Variants in PDE1C observed in about 807,000 individuals in gnomAD.
PDE1C encodes the protein phosphodiesterase 1C.
Under a neutral mutation model 93.1 loss-of-function variants are expected in PDE1C, and 62 were observed. The ratio of observed to expected loss-of-function variants is 0.67; its 90% CI spans 0.54 to 0.82. The LOEUF (loss-of-function observed/expected upper bound fraction) is 0.82, where lower values mean the gene tolerates loss of function less well. Among genes scored for constraint, PDE1C ranks in the 40% least tolerant of loss-of-function variants. The pLI is 0.00. For missense variants in PDE1C, 742 were observed against 884.6 expected (o/e 0.84, Z 2.04); for synonymous variants, 325 against 310.1 (o/e 1.05, Z -0.50).
intron 2 of PDE1C, among the ~76,000 whole-genome samples, chr7:31,895,467 A>T (rs1799168624): frequency 6.6e-6 from 1 of 152,224 alleles, no homozygotes; most frequent in Non-Finnish European, 1.5e-5. Context: ...AGCAGAATAA[A>T]GAAATCTCAA....
chr7:32,398,501 G>T (rs1784882141), intron 1 of PDE1C, among the ~76,000 whole-genome samples: 1 of 150,850 alleles, frequency 6.6e-6, no homozygotes, highest in Admixed American at 6.6e-5. Flanking sequence ...TGATTCTCCT[G>T]CCTCAGCCTC....
chr7:32,339,251 A>T (rs1783696309), intron 1 of PDE1C, among the ~76,000 whole-genome samples: 3 of 152,214 alleles, frequency 2.0e-5, no homozygotes, highest in Admixed American at 2.0e-4. Flanking sequence ...GTTTAAAAAA[A>T]TTTAAAAGTC....
chr7:32,209,289 A>G (rs891485079), intron 2 of PDE1C, among the ~76,000 whole-genome samples: 1 of 152,222 alleles, frequency 6.6e-6, no homozygotes, highest in African/African-American at 2.4e-5. Context: ...TGGAAACCAC[A>G]GTTCTAAGGA....
chr7:32,259,013 A>G (rs1014485753), intron 1 of PDE1C, among the ~76,000 whole-genome samples: 1 of 152,184 alleles, frequency 6.6e-6, no homozygotes, highest in African/African-American at 2.4e-5. Flanking sequence ...GTCCCCCCAT[A>G]TCACTTCATG....
At chr7:31,838,968 A>T (rs1791464412) in intron 9 of PDE1C, among the ~76,000 whole-genome samples, 1 of 149,348 alleles carries the variant, frequency 6.7e-6, no homozygotes, top group Non-Finnish European at 1.5e-5. Context: ...AAGTATACAC[A>T]TATATATTTA....
the PDE1C span, among the ~76,000 whole-genome samples, chr7:31,662,343 A>G: frequency 6.6e-6 from 1 of 152,218 alleles, no homozygotes; most frequent in Non-Finnish European, 1.5e-5. Context: ...AATTTGGCGG[A>G]TTCTCAGATC....
At chr7:31,781,692 C>A (rs968436613) in intron 16 of PDE1C, among the ~76,000 whole-genome samples, 1 of 115,310 alleles carries the variant, frequency 8.7e-6, no homozygotes, top group Non-Finnish European at 1.7e-5. Context: ...CAACGCCCCA[C>A]CCCCCACCCC....
chr7:31,951,364 T>C (rs1447960723), intron 2 of PDE1C, among the ~76,000 whole-genome samples: 1 of 151,986 alleles, frequency 6.6e-6, no homozygotes, highest in Non-Finnish European at 1.5e-5. Flanking sequence ...GAAGAGTAGG[T>C]TCCAAACCTA....
intron 1 of PDE1C, among the ~76,000 whole-genome samples, chr7:32,378,274 T>A (rs531719318): frequency 6.6e-6 from 1 of 152,264 alleles, no homozygotes; most frequent in Admixed American, 6.5e-5. Flanking sequence ...AAGATTCTTC[T>A]CAAATGCCGA....
intron 1 of PDE1C, among the ~76,000 whole-genome samples, chr7:32,394,131 C>T (rs1437329616): frequency 6.6e-6 from 1 of 152,236 alleles, no homozygotes; most frequent in Non-Finnish European, 1.5e-5. Context: ...TCTGCCTCTA[C>T]ATAGAGACCC....
chr7:31,735,306 G>A, the PDE1C span, among the ~76,000 whole-genome samples: 3 of 152,044 alleles, frequency 2.0e-5, no homozygotes, highest in African/African-American at 4.8e-5. Flanking sequence ...GCTGAGGCAG[G>A]AGAATCGCTT....
At chr7:32,298,320 G>A (rs1389982757) in intron 1 of PDE1C, among the ~76,000 whole-genome samples, 1 of 151,970 alleles carries the variant, frequency 6.6e-6, no homozygotes, top group Non-Finnish European at 1.5e-5. Flanking sequence ...CCATCGCAGC[G>A]TCTCCAGCCC....
intron 3 of PDE1C, among the ~76,000 whole-genome samples, chr7:32,118,522 C>A (rs538405287): frequency 6.6e-6 from 1 of 152,272 alleles, no homozygotes; most frequent in African/African-American, 2.4e-5. Context: ...CCTGCTGCTA[C>A]AATAGAATTA....
the PDE1C span, among the ~76,000 whole-genome samples, chr7:31,685,154 C>G: frequency 6.6e-6 from 1 of 151,744 alleles, no homozygotes; most frequent in Non-Finnish European, 1.5e-5. Context: ...AAAAGGCTAC[C>G]TACTGTATTA....
chr7:31,885,153 C>G (rs1025761283), intron 2 of PDE1C, among the ~76,000 whole-genome samples: 1 of 151,868 alleles, frequency 6.6e-6, no homozygotes, highest in African/African-American at 2.4e-5. Flanking sequence ...GTCTGGACAC[C>G]TAAGGGGAAT....
At chr7:32,378,328 G>C (rs1344780668) in intron 1 of PDE1C, among the ~76,000 whole-genome samples, 1 of 152,112 alleles carries the variant, frequency 6.6e-6, no homozygotes, top group Non-Finnish European at 1.5e-5. Flanking sequence ...AGATACAATG[G>C]GAGTGGGAGA....
At chr7:31,639,454 G>A in the PDE1C span, among the ~76,000 whole-genome samples, 2 of 150,340 alleles carry the variant, frequency 1.3e-5, no homozygotes, top group Non-Finnish European at 3.0e-5. Context: ...TAAATATCTT[G>A]CATATATCCA....
chr7:31,896,030 A>T (rs200893390), intron 2 of PDE1C, among the ~76,000 whole-genome samples: 2 of 51,288 alleles, frequency 3.9e-5, no homozygotes, highest in Non-Finnish European at 5.0e-5. Flanking sequence ...TACACACACA[A>T]ACACACACAC....
intron 1 of PDE1C, among the ~76,000 whole-genome samples, chr7:32,407,492 C>A (rs1310065369): frequency 2.0e-5 from 3 of 152,104 alleles, no homozygotes; most frequent in Non-Finnish European, 1.5e-5. Context: ...TCCTGCAATG[C>A]CCTCCTTCAT....
Sources: allele counts gnomAD v4.1 joint callset (sites outside exome capture counted in the v4.1 genomes callset), GRCh38; gene constraint gnomAD v4.1.1; transcripts MANE v1.5; gene names NCBI Gene and HGNC (gene_info 2026-07-23, HGNC 2026-07-21).